Variants in NAALADL2 observed in about 807,000 individuals in gnomAD.
The protein encoded by NAALADL2 is N-acetylated alpha-linked acidic dipeptidase like 2, also known as inactive N-acetylated-alpha-linked acidic dipeptidase-like protein 2.
In NAALADL2, 76 loss-of-function variants were observed where a neutral mutation model predicts 87.2. The observed-to-expected ratio is 0.87, with a 90% CI of 0.72 to 1.05. The LOEUF (loss-of-function observed/expected upper bound fraction) is 1.05. Ranked by LOEUF, NAALADL2 falls within the 50% of genes least tolerant of loss-of-function variation. The pLI is 0.00. For missense variants in NAALADL2, 1,089 were observed against 945.8 expected (o/e 1.15, Z -1.99); for synonymous variants, 354 against 331.0 (o/e 1.07, Z -0.75).
chr3:174,952,284 C>T (rs1740483552), intron 1 of NAALADL2, among the ~76,000 whole-genome samples: 1 of 152,034 alleles, frequency 6.6e-6, no homozygotes, highest in African/African-American at 2.4e-5. Flanking sequence ...AGTAAATATC[C>T]AATACATATT....
intron 1 of NAALADL2, among the ~76,000 whole-genome samples, chr3:175,066,005 C>T (rs564408336): frequency 6.6e-6 from 1 of 152,152 alleles, no homozygotes; most frequent in Non-Finnish European, 1.5e-5. Flanking sequence ...ATAACGGGAA[C>T]AGTGTAACCG....
chr3:175,186,864 G>T (rs1162602107), intron 2 of NAALADL2, among the ~76,000 whole-genome samples: 2 of 152,030 alleles, frequency 1.3e-5, no homozygotes, highest in African/African-American at 4.8e-5. Context: ...TTTCTCGAGT[G>T]CTCAGAGCCC....
At chr3:175,081,387 T>A (rs1036841771) in intron 1 of NAALADL2, among the ~76,000 whole-genome samples, 2 of 152,208 alleles carry the variant, frequency 1.3e-5, no homozygotes, top group African/African-American at 4.8e-5. Flanking sequence ...TATCTGTATA[T>A]CTTTCTGGGG....
chr3:175,714,675 A>G (rs572787768), intron 11 of NAALADL2, among the ~76,000 whole-genome samples: 7 of 152,264 alleles, frequency 4.6e-5, no homozygotes, highest in Admixed American at 1.3e-4. Context: ...CCAATTCTGT[A>G]GGTTGCCTGT....
intron 2 of NAALADL2, among the ~76,000 whole-genome samples, chr3:175,208,657 A>C (rs574239225): frequency 6.6e-6 from 1 of 152,284 alleles, no homozygotes; most frequent in South Asian, 2.1e-4. Flanking sequence ...ATTATATTAC[A>C]TTCTTCCGAT....
At chr3:175,628,683 ATAC>A (rs1256127740) in intron 11 of NAALADL2, among the ~76,000 whole-genome samples, 1 of 148,138 alleles carries the variant, frequency 6.8e-6, no homozygotes, top group African/African-American at 2.5e-5. Context: ...TTACATATAT[ATAC>A]TTTCTTGAAA....
intron 3 of NAALADL2, among the ~76,000 whole-genome samples, chr3:175,254,418 T>C (rs977982928): frequency 6.6e-6 from 1 of 152,208 alleles, no homozygotes; most frequent in African/African-American, 2.4e-5. Flanking sequence ...ATTATATATA[T>C]GGGAAAAACC....
intron 1 of NAALADL2, among the ~76,000 whole-genome samples, chr3:175,067,619 A>G (rs1159283341): frequency 6.6e-6 from 1 of 152,150 alleles, no homozygotes; most frequent in Admixed American, 6.6e-5. Flanking sequence ...GCAGAGAAAA[A>G]GGAATGCTTA....
intron 9 of NAALADL2, among the ~76,000 whole-genome samples, chr3:175,568,998 T>C: frequency 6.6e-6 from 1 of 152,226 alleles, no homozygotes; most frequent in East Asian, 1.9e-4. Context: ...ACTGGGTGCG[T>C]GGCCTGTTTC....
intron 11 of NAALADL2, among the ~76,000 whole-genome samples, chr3:175,670,100 A>G (rs1429009131): frequency 6.6e-6 from 1 of 151,960 alleles, no homozygotes; most frequent in Non-Finnish European, 1.5e-5. Flanking sequence ...AGTGAGATCT[A>G]TTATTATTAT....
At chr3:174,466,220 G>A (rs1279012586) in intron 1 of NAALADL2, among the ~76,000 whole-genome samples, 2 of 151,876 alleles carry the variant, frequency 1.3e-5, no homozygotes, top group African/African-American at 4.8e-5. Flanking sequence ...AGCCCAAGAC[G>A]GCTTTGAATG....
rs150079186 is a variant in NAALADL2 at position 174,932,453 on chromosome 3, T to G, written c.43+73003T>G. On this transcript the variant is annotated intron_variant, in intron 1 of 13. Transcript: ENST00000454872. ...TAATTTCTCTATGTCTTTCCGGGTA[T>G]AGGAACAATTGGCTCCATAAAGATA... Among the ~76,000 whole-genome samples, 430 of 152,282 alleles carry G rather than the reference T, an allele frequency of 2.8e-3. 3 individuals carry two copies. Among genetic ancestry groups the G allele is most frequent in the East Asian group, 0.021 (109 of 5,172 alleles).
At chr3:175,727,323 A>G (rs946704582) in intron 11 of NAALADL2, among the ~76,000 whole-genome samples, 1 of 152,152 alleles carries the variant, frequency 6.6e-6, no homozygotes, top group Non-Finnish European at 1.5e-5. Context: ...AGCTATGGCC[A>G]TTCCACTATC....
intron 3 of NAALADL2, among the ~76,000 whole-genome samples, chr3:174,770,104 ACT>A (rs1016276165): frequency 2.6e-5 from 4 of 152,142 alleles, no homozygotes; most frequent in African/African-American, 9.7e-5. Context: ...CAAAATTGTA[ACT>A]CTTACAGACA....
intron 5 of NAALADL2, among the ~76,000 whole-genome samples, chr3:175,410,789 G>A (rs990306473): frequency 6.6e-5 from 10 of 152,056 alleles, no homozygotes; most frequent in African/African-American, 1.9e-4. Context: ...TAGAGAACTC[G>A]GCAGGTGGTT....
chr3:174,570,029 G>A (rs1444976358), intron 2 of NAALADL2, among the ~76,000 whole-genome samples: 1 of 152,044 alleles, frequency 6.6e-6, no homozygotes, highest in Non-Finnish European at 1.5e-5. Flanking sequence ...CTTCAACTCT[G>A]TGAGACTTCT....
intron 9 of NAALADL2, among the ~76,000 whole-genome samples, chr3:175,559,286 T>A (rs56376146): frequency 0.13 from 19,588 of 151,914 alleles, 1,345 homozygotes; most frequent in Middle Eastern, 0.17. Flanking sequence ...TATTGTGTAA[T>A]TTTTTTTGAA....
intron 5 of NAALADL2, among the ~76,000 whole-genome samples, chr3:175,381,754 G>A (rs578217965): frequency 6.6e-5 from 10 of 152,266 alleles, no homozygotes; most frequent in African/African-American, 2.2e-4. Flanking sequence ...TTTCATGTGA[G>A]TAAATTCAAA....
chr3:175,213,416 TGTCA>T (rs1742053348), intron 2 of NAALADL2, among the ~76,000 whole-genome samples: 1 of 152,116 alleles, frequency 6.6e-6, no homozygotes, highest in African/African-American at 2.4e-5. Flanking sequence ...GGGTCACCAG[TGTCA>T]GGTCATGTAG....
Sources: allele counts gnomAD v4.1 joint callset (sites outside exome capture counted in the v4.1 genomes callset), GRCh38; gene constraint gnomAD v4.1.1; transcripts MANE v1.5; gene names NCBI Gene and HGNC (gene_info 2026-07-23, HGNC 2026-07-21).